Variants in CDKN2B-AS1 observed in about 807,000 individuals in gnomAD.
The protein encoded by CDKN2B-AS1 is CDKN2B antisense RNA 1 (non-protein coding).
intron 4 of CDKN2B-AS1, among the ~76,000 whole-genome samples, chr9:22,062,738 G>T (rs921758052): frequency 1.3e-5 from 2 of 151,858 alleles, no homozygotes; most frequent in Middle Eastern, 3.2e-3. Context: ...CTACCAGTTG[G>T]GTAATATTGT....
intron 4 of CDKN2B-AS1, among the ~76,000 whole-genome samples, chr9:22,091,533 G>C (rs1478588406): frequency 1.3e-5 from 2 of 152,074 alleles, no homozygotes; most frequent in Non-Finnish European, 2.9e-5. Flanking sequence ...TCCTTGAAGA[G>C]GTCCTTCACA....
chr9:22,040,356 C>T (rs748213563), intron 1 of CDKN2B-AS1, among the ~76,000 whole-genome samples: 2 of 151,996 alleles, frequency 1.3e-5, no homozygotes, highest in East Asian at 1.9e-4. Flanking sequence ...ATGGCTATTT[C>T]ATTATAGTGC....
At chr9:22,121,116 A>G (rs775311436) in intron 4 of CDKN2B-AS1, 20 of 152,148 alleles carry the variant, frequency 1.3e-4, no homozygotes, top group Non-Finnish European at 2.6e-4. Context: ...TTTTCATGTT[A>G]TAATACTTTT....
At chr9:22,117,731 G>A (rs1825989530) in intron 4 of CDKN2B-AS1, 1 of 152,240 alleles carries the variant, frequency 6.6e-6, no homozygotes, top group South Asian at 2.1e-4. Context: ...TTATTAGCAA[G>A]ACTGACTGGG....
rs1295759151 is a variant in CDKN2B-AS1 at position 21,995,918 on chromosome 9, G to A, written n.29+757G>A. The A allele has an allele frequency of 6.6e-6, 1 of 152,580 alleles. No individual in the cohort carries two copies. Among genetic ancestry groups the A allele is most frequent in the African/African-American group, 2.4e-5 (1 of 41,482 alleles). The allele number at this position is 152,580 out of a possible 1,614,324, so 9.5% of individuals were successfully genotyped here. On this transcript the variant is annotated intron_variant and non_coding_transcript_variant, in intron 1 of 4. Coordinates refer to ENST00000650946, the Ensembl canonical transcript of CDKN2B-AS1. This position sits in a 1 kb window ranked among gnomAD's most constrained non-coding sequence, Gnocchi z 5.7. ...CTCGCGGGCTGGACCCGCGGCCTGA[G>A]TGGGTGGGTGTGTGCCAGAGGATTC...
chr9:22,114,753 T>A (rs986088516), intron 4 of CDKN2B-AS1, among the ~76,000 whole-genome samples: 1 of 152,212 alleles, frequency 6.6e-6, no homozygotes, highest in African/African-American at 2.4e-5. Flanking sequence ...TCTATTATTT[T>A]CCTTGCAATA....
chr9:22,074,244 T>C (rs1161727405), intron 4 of CDKN2B-AS1, among the ~76,000 whole-genome samples: 2 of 152,148 alleles, frequency 1.3e-5, no homozygotes, highest in African/African-American at 4.8e-5. Context: ...TCTTTTCAAA[T>C]GCATGGACAA....
At chr9:22,079,819 T>C (rs940906462) in intron 4 of CDKN2B-AS1, among the ~76,000 whole-genome samples, 2 of 152,230 alleles carry the variant, frequency 1.3e-5, no homozygotes, top group Admixed American at 6.5e-5. Context: ...TTCTTAATCT[T>C]CTTGTGTTCA....
intron 1 of CDKN2B-AS1, among the ~76,000 whole-genome samples, chr9:22,018,289 G>C (rs1023143303): frequency 6.6e-6 from 1 of 151,098 alleles, no homozygotes; most frequent in African/African-American, 2.4e-5. Flanking sequence ...TTTGGATCCT[G>C]ATGACTTTTT....
At chr9:22,121,170 A>G (rs1054004858) in intron 4 of CDKN2B-AS1, 2 of 152,176 alleles carry the variant, frequency 1.3e-5, no homozygotes, top group Non-Finnish European at 2.9e-5. Context: ...AGATCAAAAC[A>G]ATGCACATAA....
rs554544672 is a variant in CDKN2B-AS1, at chr9:22,024,381, G to A, written n.30-22370G>A. 9.2e-5 allele frequency among the ~76,000 whole-genome samples: 14 copies of A among 152,336 alleles called. No homozygotes were observed. The South Asian group carries it at 2.9e-3, about 32-fold the overall frequency. ...TTCAGGGGTGCCTGCCTCCCTGCAGGCATTCACCATGCTAGTGAAGGCAAG... is the reference window on the plus strand; with the variant it reads ...TTCAGGGGTGCCTGCCTCCCTGCAGACATTCACCATGCTAGTGAAGGCAAG... On this transcript the variant is annotated intron_variant and non_coding_transcript_variant, in intron 1 of 4. Transcript: ENST00000650946.
chr9:22,022,149 GT>G (rs1822043432), intron 1 of CDKN2B-AS1, among the ~76,000 whole-genome samples: 1 of 151,810 alleles, frequency 6.6e-6, no homozygotes, highest in Non-Finnish European at 1.5e-5. Context: ...TCACTGGAGA[GT>G]TTTGTATATA....
chr9:22,119,900 C>G (rs2131376001), intron 4 of CDKN2B-AS1: 1 of 152,296 alleles, frequency 6.6e-6, no homozygotes, highest in East Asian at 1.9e-4. Context: ...ACATCCCAAA[C>G]CCAGTGGCTG....
intron 4 of CDKN2B-AS1, among the ~76,000 whole-genome samples, chr9:22,107,498 C>T (rs1390805384): frequency 2.0e-5 from 3 of 152,192 alleles, no homozygotes; most frequent in Non-Finnish European, 4.4e-5. Flanking sequence ...TCTTACCTTG[C>T]AATTCTAGCT....
chr9:22,123,410 G>A (rs370559731), intron 4 of CDKN2B-AS1, among the ~76,000 whole-genome samples: 2 of 152,244 alleles, frequency 1.3e-5, no homozygotes, highest in East Asian at 3.9e-4. Flanking sequence ...GTTAAGAGTG[G>A]GCATCCTTGT....
chr9:22,080,213 C>T (rs1408751494), intron 4 of CDKN2B-AS1, among the ~76,000 whole-genome samples: 1 of 152,176 alleles, frequency 6.6e-6, no homozygotes, highest in Non-Finnish European at 1.5e-5. Flanking sequence ...TTGGGTTTTC[C>T]CCAAGCTGTT....
chr9:22,103,505 G>T (rs986185277), intron 4 of CDKN2B-AS1, among the ~76,000 whole-genome samples: 2 of 152,096 alleles, frequency 1.3e-5, no homozygotes, highest in African/African-American at 4.8e-5. Context: ...CAGCAGCAAA[G>T]GCCCACATCG....
At chr9:22,098,203 A>G (rs1186148101) in intron 4 of CDKN2B-AS1, among the ~76,000 whole-genome samples, 3 of 150,724 alleles carry the variant, frequency 2.0e-5, no homozygotes. Flanking sequence ...ATATGTGTGT[A>G]TTTATATTAT....
rs777273835 is a variant in CDKN2B-AS1 at position 22,026,090 on chromosome 9, T to TAA, written n.30-20647_30-20646dup. The stretch of plus-strand genomic sequence containing the variant: ...ATGAGGAACGGGATTGGGGACCTGC[T>TAA]AAAAAAAAAAAAAAAGCAGTGTGGC... On this transcript the variant is annotated intron_variant and non_coding_transcript_variant, in intron 1 of 4. Transcript: ENST00000650946. Among the ~76,000 whole-genome samples the TAA allele has an allele frequency of 9.5e-3, 1,250 of 132,156 alleles. 100 individuals carry two copies. The East Asian group carries it at 0.2, about 21-fold the overall frequency. 86.7% of individuals were successfully genotyped at this position (132,156 alleles called of 152,430 possible). A position where few individuals can be genotyped will look rare whatever the true frequency, so the allele number is the denominator to read the frequency against.
Sources: allele counts gnomAD v4.1 joint callset (sites outside exome capture counted in the v4.1 genomes callset), GRCh38; gene constraint gnomAD v4.1.1; non-coding constraint Gnocchi (gnomAD v3.1); transcripts MANE v1.5; gene names NCBI Gene and HGNC (gene_info 2026-07-23, HGNC 2026-07-21).